ZNF804B: variants seen among roughly 807,000 people sequenced by gnomAD.
The protein encoded by ZNF804B is zinc finger protein 804B, also known as zinc finger 804B.
A neutral mutation model predicts 101.4 loss-of-function variants in ZNF804B; 80 were observed. That is an observed-to-expected ratio of 0.79 (90% CI 0.66 to 0.95). The LOEUF is 0.95. Among genes scored for constraint, ZNF804B ranks in the 40% least tolerant of loss-of-function variants. The pLI, the probability that ZNF804B is intolerant of heterozygous loss-of-function variation, is 0.00. For missense variants in ZNF804B, 1,673 were observed against 1,561.9 expected (o/e 1.07, Z -1.20); for synonymous variants, 622 against 558.8 (o/e 1.11, Z -1.59).
chr7:89,263,693 G>A (rs558610734), intron 2 of ZNF804B, among the ~76,000 whole-genome samples: 31 of 151,916 alleles, frequency 2.0e-4, no homozygotes, highest in African/African-American at 7.0e-4. Flanking sequence ...AGTGATAAAT[G>A]TCCTCACCTG....
intron 1 of ZNF804B, among the ~76,000 whole-genome samples, chr7:89,201,260 T>C (rs1331173642): frequency 6.6e-6 from 1 of 152,008 alleles, no homozygotes; most frequent in Non-Finnish European, 1.5e-5. Flanking sequence ...TAACAGAGCA[T>C]GTAAGCTGAC....
At chr7:89,091,423 A>G (rs1859115) in intron 1 of ZNF804B, among the ~76,000 whole-genome samples, 71,625 of 151,740 alleles carry the variant, frequency 0.47, 17,425 homozygotes, top group Middle Eastern at 0.52. Flanking sequence ...ATTTGCCTCA[A>G]TTTCTTGGGT....
intron 2 of ZNF804B, among the ~76,000 whole-genome samples, chr7:89,240,150 A>T (rs1238169319): frequency 6.6e-6 from 1 of 152,004 alleles, no homozygotes; most frequent in Non-Finnish European, 1.5e-5. Flanking sequence ...CTTACAAATA[A>T]TCATATTCAA....
At chr7:89,200,928 TC>T (rs1788623400) in intron 1 of ZNF804B, among the ~76,000 whole-genome samples, 1 of 152,020 alleles carries the variant, frequency 6.6e-6, no homozygotes, top group Non-Finnish European at 1.5e-5. Context: ...TCCCCTTTTT[TC>T]TTTCACTTGG....
chr7:89,148,745 G>A (rs1790826551), intron 1 of ZNF804B, among the ~76,000 whole-genome samples: 1 of 152,044 alleles, frequency 6.6e-6, no homozygotes, highest in African/African-American at 2.4e-5. Context: ...AAACCATCAT[G>A]TCAGAGAGAC....
At chr7:89,072,638 A>G (rs1789558782) in intron 1 of ZNF804B, among the ~76,000 whole-genome samples, 1 of 152,164 alleles carries the variant, frequency 6.6e-6, no homozygotes, top group Non-Finnish European at 1.5e-5. Context: ...TGCAAAATGA[A>G]TAAAGGGCCT....
At chr7:89,295,968 G>T (rs907735504) in intron 2 of ZNF804B, among the ~76,000 whole-genome samples, 3 of 152,110 alleles carry the variant, frequency 2.0e-5, no homozygotes, top group Non-Finnish European at 4.4e-5. Context: ...AAGGCATACA[G>T]AGTGGTATAA....
chr7:88,856,199 C>T (rs1437527914), intron 1 of ZNF804B, among the ~76,000 whole-genome samples: 1 of 152,096 alleles, frequency 6.6e-6, no homozygotes, highest in Non-Finnish European at 1.5e-5. Context: ...CCTTGGGCAG[C>T]ATGGCCATTT....
chr7:89,162,299 A>T (rs960359849), intron 1 of ZNF804B, among the ~76,000 whole-genome samples: 1 of 152,206 alleles, frequency 6.6e-6, no homozygotes, highest in African/African-American at 2.4e-5. Context: ...ATAAACAAAT[A>T]CAAAACTTTA....
chr7:88,889,705 A>T (rs1424606687), intron 1 of ZNF804B, among the ~76,000 whole-genome samples: 4 of 152,110 alleles, frequency 2.6e-5, no homozygotes, highest in Non-Finnish European at 4.4e-5. Flanking sequence ...GTTGGGGAAT[A>T]TTTACTGCCA....
intron 1 of ZNF804B, among the ~76,000 whole-genome samples, chr7:89,210,371 C>G (rs900270295): frequency 3.3e-5 from 5 of 151,940 alleles, no homozygotes; most frequent in Admixed American, 2.0e-4. Flanking sequence ...TGGGTACATG[C>G]GCAGGATGTG....
At chr7:88,823,593 T>C (rs1345145267) in intron 1 of ZNF804B, among the ~76,000 whole-genome samples, 1 of 151,978 alleles carries the variant, frequency 6.6e-6, no homozygotes, top group African/African-American at 2.4e-5. Context: ...AGGCGGCAGG[T>C]ACGAGATTTC....
intron 1 of ZNF804B, among the ~76,000 whole-genome samples, chr7:88,874,207 T>C (rs1262358474): frequency 6.6e-6 from 1 of 152,168 alleles, no homozygotes; most frequent in Non-Finnish European, 1.5e-5. Context: ...GTTGGATTCC[T>C]AGGTATTTTA....
Position 89,078,259 on chromosome 7 carries a change from C to T in ZNF804B, c.109-139896C>T, listed in dbSNP as rs563797916. Reference sequence around the variant, plus strand: ...TATTGCATCAATGACTTGAGCACTGCGGGAAATCAAGTTTAATCAGTATAT... The same window carrying T: ...TATTGCATCAATGACTTGAGCACTGTGGGAAATCAAGTTTAATCAGTATAT... On this transcript the variant is annotated intron_variant, in intron 1 of 3. Coordinates refer to ENST00000333190, the MANE Select transcript of ZNF804B (RefSeq NM_181646.5). Among the ~76,000 whole-genome samples, 164 of 152,076 alleles carry T rather than the reference C, an allele frequency of 1.1e-3. 1 individual carries two copies. Among genetic ancestry groups the T allele is most frequent in the South Asian group, 6.0e-3 (29 of 4,810 alleles).
At chr7:89,011,131 TGAGTGGAG>T (rs1788455066) in intron 1 of ZNF804B, among the ~76,000 whole-genome samples, 1 of 5,754 alleles carries the variant, frequency 1.7e-4, no homozygotes, top group Non-Finnish European at 3.0e-4. Flanking sequence ...GGAGGGAGAA[TGAGTGGAG>T]AATGAGTGCA....
chr7:89,212,471 A>C (rs925944685), intron 1 of ZNF804B, among the ~76,000 whole-genome samples: 2 of 152,166 alleles, frequency 1.3e-5, no homozygotes, highest in African/African-American at 4.8e-5. Flanking sequence ...GAAATAAATA[A>C]ACTTATAGAC....
intron 2 of ZNF804B, among the ~76,000 whole-genome samples, chr7:89,256,802 T>C (rs1013555009): frequency 2.0e-5 from 3 of 152,194 alleles, no homozygotes; most frequent in Non-Finnish European, 2.9e-5. Context: ...AATTATAATT[T>C]CCTCTGGAGG....
At position 89,219,860 on chromosome 7, in the gene ZNF804B, A is replaced by G. The variant is rs13234155; in HGVS notation, c.249+1565A>G. On this transcript the variant is annotated intron_variant, in intron 2 of 3. Coordinates refer to ENST00000333190, the MANE Select transcript of ZNF804B (RefSeq NM_181646.5). ...AATATATATGTATATATATGTATATATGTGTGTATATGTAGTATATGTGTG... is the reference window on the plus strand; with the variant it reads ...AATATATATGTATATATATGTATATGTGTGTGTATATGTAGTATATGTGTG... Among the ~76,000 whole-genome samples, 540 of 130,828 alleles carry G rather than the reference A, an allele frequency of 4.1e-3. 20 individuals are homozygous for G. Among genetic ancestry groups the G allele is most frequent in the African/African-American group, 0.014 (503 of 35,384 alleles). The allele number at this position is 130,828 out of a possible 152,430, so 85.8% of individuals were successfully genotyped here. A position where few individuals can be genotyped will look rare whatever the true frequency, so the allele number is the denominator to read the frequency against.
chr7:89,142,629 AG>A (rs1181103052), intron 1 of ZNF804B, among the ~76,000 whole-genome samples: 1 of 151,974 alleles, frequency 6.6e-6, no homozygotes, highest in Non-Finnish European at 1.5e-5. Flanking sequence ...TTCCATTAAA[AG>A]CTCTACTGTT....
Sources: gnomAD v4.1 joint callset for allele counts (sites outside exome capture counted in the v4.1 genomes callset) on GRCh38, gnomAD v4.1.1 for gene constraint, MANE v1.5 for transcripts, NCBI Gene and HGNC (gene_info 2026-07-23, HGNC 2026-07-21) for gene names.